The following KCNIP4 variants were observed in gnomAD, a reference collection of about 807,000 sequenced individuals.
KCNIP4 encodes the protein potassium voltage-gated channel interacting protein 4.
A neutral mutation model predicts 34.0 loss-of-function variants in KCNIP4; 12 were observed. That is an observed-to-expected ratio of 0.35 (90% confidence interval 0.23 to 0.57). KCNIP4 has a LOEUF of 0.57. Ranked by LOEUF, KCNIP4 falls within the 20% of genes least tolerant of loss-of-function variation. The probability of loss-of-function intolerance (pLI) is 0.83; values close to 1 mark genes in which losing one functional copy is unlikely to be tolerated. For missense variants in KCNIP4, 238 were observed against 311.7 expected (o/e 0.76, Z 1.78); for synonymous variants, 124 against 102.2 (o/e 1.21, Z -1.29).
intron 1 of KCNIP4, among the ~76,000 whole-genome samples, chr4:21,325,100 T>C (rs574784159): frequency 6.6e-5 from 10 of 152,042 alleles, no homozygotes; most frequent in African/African-American, 2.2e-4. Context: ...ATATTGACTT[T>C]GTATCCTGCA....
intron 1 of KCNIP4, among the ~76,000 whole-genome samples, chr4:21,085,761 T>C (rs768087464): frequency 3.0e-4 from 45 of 152,314 alleles, no homozygotes; most frequent in Non-Finnish European, 5.0e-4. Context: ...GGAAAGCCAA[T>C]ATAAATGTAT....
At chr4:21,580,115 AT>A (rs1488632268) in intron 1 of KCNIP4, among the ~76,000 whole-genome samples, 7 of 152,266 alleles carry the variant, frequency 4.6e-5, no homozygotes, top group African/African-American at 1.7e-4. Context: ...AGCCATATCT[AT>A]GAATTTTATC....
intron 1 of KCNIP4, among the ~76,000 whole-genome samples, chr4:21,813,793 A>G (rs1721805983): frequency 6.6e-6 from 1 of 152,182 alleles, no homozygotes; most frequent in Non-Finnish European, 1.5e-5. Context: ...TCCCCTTTAG[A>G]CCCTTGTGAT....
chr4:21,133,809 T>C (rs1751286095), intron 1 of KCNIP4, among the ~76,000 whole-genome samples: 2 of 152,190 alleles, frequency 1.3e-5, no homozygotes, highest in South Asian at 4.2e-4. Flanking sequence ...TTTCTAATTT[T>C]TACTCTCAAG....
At chr4:21,466,552 T>G (rs1387565353) in intron 1 of KCNIP4, among the ~76,000 whole-genome samples, 1 of 152,184 alleles carries the variant, frequency 6.6e-6, no homozygotes, top group Non-Finnish European at 1.5e-5. Context: ...TAAGGGATTC[T>G]GAAATCATCT....
At chr4:21,593,681 C>T (rs1577659369) in intron 1 of KCNIP4, among the ~76,000 whole-genome samples, 1 of 152,114 alleles carries the variant, frequency 6.6e-6, no homozygotes, top group Non-Finnish European at 1.5e-5. Flanking sequence ...AATTCCCACA[C>T]CTTGTTTAAG....
chr4:21,648,942 G>A (rs1427795613), intron 1 of KCNIP4, among the ~76,000 whole-genome samples: 1 of 152,050 alleles, frequency 6.6e-6, no homozygotes, highest in African/African-American at 2.4e-5. Context: ...ACATTTTATG[G>A]AATGTCAGTT....
At chr4:20,900,847 A>G (rs73242555) in intron 1 of KCNIP4, among the ~76,000 whole-genome samples, 7,332 of 152,238 alleles carry the variant, frequency 0.048, 204 homozygotes, top group Middle Eastern at 0.11. Flanking sequence ...TTGAGAAAAG[A>G]TATCTGGAGA....
In KCNIP4 at chr4:21,134,115, C is replaced by G. The variant is rs1033261430; in HGVS notation, c.62-251406G>C. Among the ~76,000 whole-genome samples the G allele has an allele frequency of 5.3e-5, 8 of 152,252 alleles. No individual in the cohort carries two copies. In the South Asian group the frequency reaches 1.5e-3, roughly 28 times the overall value. ...TGTTCTGAGGTCTCCCCAGACCACC[C>G]ACAGGTGACCTTTGAACAACATGGG... On this transcript the variant is annotated intron_variant, in intron 1 of 8. Coordinates refer to ENST00000382152, the MANE Select transcript of KCNIP4 (RefSeq NM_025221.6).
intron 1 of KCNIP4, among the ~76,000 whole-genome samples, chr4:20,883,409 G>A (rs954856504): frequency 6.6e-6 from 1 of 152,170 alleles, no homozygotes; most frequent in African/African-American, 2.4e-5. Flanking sequence ...AGCAGTATGT[G>A]TGACAGCAGA....
At chr4:21,011,125 G>A (rs780062051) in intron 1 of KCNIP4, among the ~76,000 whole-genome samples, 4 of 152,172 alleles carry the variant, frequency 2.6e-5, no homozygotes, top group Admixed American at 6.5e-5. Flanking sequence ...GAGAGGAGGA[G>A]GAAAATACAG....
At chr4:21,001,920 T>C (rs1214842201) in intron 1 of KCNIP4, among the ~76,000 whole-genome samples, 1 of 150,052 alleles carries the variant, frequency 6.7e-6, no homozygotes, top group Non-Finnish European at 1.5e-5. Flanking sequence ...GCATTTTTCT[T>C]CAGAAATAAC....
In KCNIP4 at chr4:21,171,529, G is replaced by A. The variant is rs73805037; in HGVS notation, c.62-288820C>T. 4.9e-3 allele frequency among the ~76,000 whole-genome samples: 747 copies of A among 152,250 alleles called. 3 individuals are homozygous for A. Among genetic ancestry groups the A allele is most frequent in the African/African-American group, 0.016 (649 of 41,556 alleles). ...GTTTCCATATACTAAGTCAATATAA[G>A]TGCATTTTCAGAACAGCGATGGGAT... On this transcript the variant is annotated intron_variant, in intron 1 of 8. Transcript: ENST00000382152.
intron 1 of KCNIP4, among the ~76,000 whole-genome samples, chr4:21,704,836 C>T (rs1713140692): frequency 6.6e-6 from 1 of 152,030 alleles, no homozygotes; most frequent in South Asian, 2.1e-4. Flanking sequence ...CATACATCAC[C>T]TACAAAACCT....
chr4:21,338,033 T>C (rs78772470), intron 1 of KCNIP4, among the ~76,000 whole-genome samples: 2 of 152,124 alleles, frequency 1.3e-5, no homozygotes, highest in Non-Finnish European at 2.9e-5. Flanking sequence ...ATTCTGGATA[T>C]GTAGCTTTTG....
At chr4:21,711,158 G>C (rs762366077) in intron 1 of KCNIP4, among the ~76,000 whole-genome samples, 1 of 152,078 alleles carries the variant, frequency 6.6e-6, no homozygotes, top group Non-Finnish European at 1.5e-5. Flanking sequence ...TTTTCTTGAA[G>C]GGAGAGAAAA....
intron 1 of KCNIP4, among the ~76,000 whole-genome samples, chr4:21,567,854 T>A (rs1376586045): frequency 6.6e-6 from 1 of 152,052 alleles, no homozygotes; most frequent in African/African-American, 2.4e-5. Context: ...TCATACCTCA[T>A]CTCAAAGCTT....
chr4:20,937,618 T>G (rs1731213785), intron 1 of KCNIP4, among the ~76,000 whole-genome samples: 1 of 152,026 alleles, frequency 6.6e-6, no homozygotes, highest in Non-Finnish European at 1.5e-5. Context: ...CATATGAAAT[T>G]TTTGTCTTTA....
intron 1 of KCNIP4, among the ~76,000 whole-genome samples, chr4:21,945,185 A>G (rs1044508196): frequency 6.6e-6 from 1 of 152,232 alleles, no homozygotes; most frequent in African/African-American, 2.4e-5. Flanking sequence ...TATATCTTCA[A>G]AACAATCAAC....
Sources: allele counts gnomAD v4.1 joint callset (sites outside exome capture counted in the v4.1 genomes callset), GRCh38; gene constraint gnomAD v4.1.1; transcripts MANE v1.5; gene names NCBI Gene and HGNC (gene_info 2026-07-23, HGNC 2026-07-21).